The following NDST4 variants were observed in gnomAD, a reference collection of about 807,000 sequenced individuals.
NDST4 encodes N-heparan sulfate sulfotransferase 4.
Under a neutral mutation model 100.8 loss-of-function variants are expected in NDST4, and 63 were observed. The observed-to-expected ratio is 0.62, with a 90% CI of 0.51 to 0.77. The LOEUF (loss-of-function observed/expected upper bound fraction) is 0.77. Among genes scored for constraint, NDST4 ranks in the 30% least tolerant of loss-of-function variants. The pLI, the probability that NDST4 is intolerant of heterozygous loss-of-function variation, is 0.00. For missense variants in NDST4, 943 were observed against 1,018.4 expected (o/e 0.93, Z 1.01); for synonymous variants, 377 against 361.8 (o/e 1.04, Z -0.48).
In NDST4 at chr4:114,971,037, A is replaced by C. The variant is rs187962160; in HGVS notation, c.1067-453T>G. Among the ~76,000 whole-genome samples, 55 of 152,212 alleles carry C rather than the reference A, an allele frequency of 3.6e-4. 2 individuals are homozygous for C. Among genetic ancestry groups the C allele is most frequent in the Admixed American group, 3.9e-4 (6 of 15,284 alleles). ...CACAGGCAAGTAATACACAAAGCCC[A>C]AAAACAAACACAAAAACAACAACAA... On this transcript the variant is annotated intron_variant, in intron 3 of 13. Coordinates refer to ENST00000264363, the MANE Select transcript of NDST4 (RefSeq NM_022569.3).
chr4:114,886,173 C>A lies in NDST4; in HGVS notation c.1537-15223G>T, dbSNP rs140086994. Among the ~76,000 whole-genome samples the A allele has an allele frequency of 1.0e-2, 1,516 of 152,100 alleles. 96 individuals are homozygous for A. In the South Asian group the frequency reaches 0.18, roughly 18 times the overall value. On this transcript the variant is annotated intron_variant, in intron 6 of 13. Transcript: ENST00000264363. ...TGAACAATATATTTGCCAAAGAAAA[C>A]GTGCCTGTTAAGTGAATTCAGGTCA... is the stretch of plus-strand genomic sequence containing the variant.
intron 6 of NDST4, among the ~76,000 whole-genome samples, chr4:114,898,702 T>C (rs1020660923): frequency 6.6e-6 from 1 of 152,086 alleles, no homozygotes; most frequent in Admixed American, 6.5e-5. Context: ...AGTTATTCTT[T>C]GACTTATTTT....
chr4:114,844,276 T>G (rs1421226071), intron 10 of NDST4, among the ~76,000 whole-genome samples: 3 of 152,218 alleles, frequency 2.0e-5, no homozygotes, highest in Admixed American at 6.5e-5. Flanking sequence ...GATAATGTGA[T>G]GTATTGTAAA....
chr4:114,937,440 C>A lies in NDST4; in HGVS notation c.1285G>T (p.Val429Phe), dbSNP rs920229624. Reference sequence around the variant, plus strand: ...CAAGCTGCATACAGCTGAATGTGAACCGGGTAGACCCCTGAGTGATGTGGG... The same window carrying A: ...CAAGCTGCATACAGCTGAATGTGAAACGGGTAGACCCCTGAGTGATGTGGG... ...VAPHHSGVYP[V>F]HIQLYAAWKK... is the part of the protein sequence containing the mutation. The change falls in exon 5 of 14, where the codon GTT becomes TTT. Residue 429 changes from valine to phenylalanine, a missense_variant. By Grantham distance (50) the Val-to-Phe change is conservative. Transcript: ENST00000264363. The A allele has an allele frequency of 6.2e-7, 1 of 1,612,360 alleles. No individual in the cohort carries two copies. Among genetic ancestry groups the A allele is most frequent in the Non-Finnish European group, 8.5e-7 (1 of 1,179,100 alleles).
chr4:115,059,928 T>C (rs1728783512), intron 2 of NDST4, among the ~76,000 whole-genome samples: 1 of 151,622 alleles, frequency 6.6e-6, no homozygotes, highest in African/African-American at 2.4e-5. Context: ...CTAATTGGCA[T>C]CTCCTACCTT....
chr4:114,881,966 T>C (rs1174777971), intron 6 of NDST4, among the ~76,000 whole-genome samples: 2 of 152,052 alleles, frequency 1.3e-5, no homozygotes, highest in African/African-American at 4.8e-5. Context: ...TTTTTTTAAA[T>C]ACTACAGAAC....
At chr4:114,943,360 A>G (rs1174780105) in intron 4 of NDST4, among the ~76,000 whole-genome samples, 1 of 151,958 alleles carries the variant, frequency 6.6e-6, no homozygotes, top group Admixed American at 6.6e-5. Context: ...TATGTAATTC[A>G]CCAGCATTAA....
chr4:114,910,783 A>G (rs922534121), intron 6 of NDST4, among the ~76,000 whole-genome samples: 1 of 152,202 alleles, frequency 6.6e-6, no homozygotes, highest in African/African-American at 2.4e-5. Context: ...ATCTCCCAGT[A>G]TTCCACATCT....
intron 4 of NDST4, among the ~76,000 whole-genome samples, chr4:114,969,638 A>G (rs1007679858): frequency 1.3e-5 from 2 of 152,190 alleles, no homozygotes; most frequent in African/African-American, 2.4e-5. Context: ...GCTGCAAAGG[A>G]CATAATCTCA....
chr4:115,110,658 C>A (rs1578528552), intron 1 of NDST4, among the ~76,000 whole-genome samples: 1 of 151,884 alleles, frequency 6.6e-6, no homozygotes, highest in South Asian at 2.1e-4. Context: ...TGATGCATCT[C>A]ATCGTTATTT....
chr4:115,014,590 A>C (rs1201299409), intron 2 of NDST4, among the ~76,000 whole-genome samples: 3 of 152,040 alleles, frequency 2.0e-5, no homozygotes, highest in Non-Finnish European at 4.4e-5. Context: ...GAACAGAAAA[A>C]GGCTCTGCAG....
At chr4:115,105,761 C>T (rs545471818) in intron 1 of NDST4, among the ~76,000 whole-genome samples, 2 of 152,236 alleles carry the variant, frequency 1.3e-5, no homozygotes, top group South Asian at 2.1e-4. Context: ...ATTGTTTTAC[C>T]TGACATTGCA....
Position 115,021,725 on chromosome 4 carries a change from G to A in NDST4, c.979-44451C>T, listed in dbSNP as rs371550920. Among the ~76,000 whole-genome samples, 7 of 139,292 alleles carry A rather than the reference G, an allele frequency of 5.0e-5. No homozygotes were observed. In the East Asian group the frequency reaches 6.5e-4, roughly 13 times the overall value. 91.4% of individuals were successfully genotyped at this position (139,292 alleles called of 152,430 possible). A position where few individuals can be genotyped will look rare whatever the true frequency, so the allele number is the denominator to read the frequency against. ...ATCTATACACATTCCATATATATAC[G>A]TTCCACATCTATACACATTCCATAT... On this transcript the variant is annotated intron_variant, in intron 2 of 13. Transcript: ENST00000264363.
intron 6 of NDST4, among the ~76,000 whole-genome samples, chr4:114,887,034 C>T (rs1055275361): frequency 1.3e-5 from 2 of 152,110 alleles, no homozygotes; most frequent in Admixed American, 1.3e-4. Context: ...ATAATGGCCA[C>T]TAATCCATTG....
intron 7 of NDST4, among the ~76,000 whole-genome samples, chr4:114,861,306 C>G (rs544269795): frequency 9.9e-5 from 15 of 152,264 alleles, no homozygotes; most frequent in African/African-American, 3.6e-4. Flanking sequence ...ACCTCAGTTC[C>G]TTATTTATAA....
chr4:114,883,795 T>C (rs774628667), intron 6 of NDST4, among the ~76,000 whole-genome samples: 30 of 152,104 alleles, frequency 2.0e-4, no homozygotes, highest in Non-Finnish European at 3.7e-4. Context: ...TGTTTCACCG[T>C]AGATAATCAG....
At chr4:115,044,120 T>C (rs1296026495) in intron 2 of NDST4, among the ~76,000 whole-genome samples, 1 of 152,154 alleles carries the variant, frequency 6.6e-6, no homozygotes, top group Non-Finnish European at 1.5e-5. Context: ...ATTCAAATCT[T>C]GGGCAGAGAC....
chr4:115,020,227 G>T (rs1442755977), intron 2 of NDST4, among the ~76,000 whole-genome samples: 1 of 152,076 alleles, frequency 6.6e-6, no homozygotes, highest in Non-Finnish European at 1.5e-5. Flanking sequence ...TCAGAATGTT[G>T]TCAGAAAGAT....
intron 2 of NDST4, among the ~76,000 whole-genome samples, chr4:115,039,405 G>A (rs1370522752): frequency 1.3e-5 from 2 of 151,506 alleles, no homozygotes; most frequent in African/African-American, 4.9e-5. Context: ...CTAACTAACA[G>A]AAGTTTCCAG....
Sources: allele counts gnomAD v4.1 joint callset (sites outside exome capture counted in the v4.1 genomes callset), GRCh38; gene constraint gnomAD v4.1.1; transcripts MANE v1.5; gene names NCBI Gene and HGNC (gene_info 2026-07-23, HGNC 2026-07-21).